MAGI2: variants seen among roughly 807,000 people sequenced by gnomAD.
MAGI2 encodes membrane-associated guanylate kinase, WW and PDZ domain-containing protein 2.
Under a neutral mutation model 133.3 loss-of-function variants are expected in MAGI2, and 35 were observed. The observed-to-expected ratio is 0.26, with a 90% CI of 0.20 to 0.35. The LOEUF is 0.35. Among genes scored for constraint, MAGI2 ranks in the 10% least tolerant of loss-of-function variants. MAGI2 has a pLI of 1.00. For synonymous variants in MAGI2, 729 were observed against 710.6 expected (o/e 1.03, Z -0.41); for missense variants, 1,636 against 1,863.4 (o/e 0.88, Z 2.25).
At chr7:78,147,573 T>C (rs1457602301) in intron 16 of MAGI2, among the ~76,000 whole-genome samples, 1 of 152,094 alleles carries the variant, frequency 6.6e-6, no homozygotes, top group African/African-American at 2.4e-5. Context: ...TAAAAAAGGA[T>C]TGAAGAGATT....
intron 1 of MAGI2, among the ~76,000 whole-genome samples, chr7:79,273,219 C>T (rs1488843416): frequency 7.4e-6 from 1 of 135,080 alleles, no homozygotes; most frequent in Non-Finnish European, 1.7e-5. Flanking sequence ...TCTTAAATCA[C>T]CCTTAAGATG....
At chr7:78,651,311 C>T (rs1441035198) in intron 2 of MAGI2, among the ~76,000 whole-genome samples, 5 of 98,236 alleles carry the variant, frequency 5.1e-5, no homozygotes, top group South Asian at 3.4e-4. Context: ...AAACTTTCTG[C>T]CTTTGTGCTT....
chr7:78,977,316 G>C (rs889521478), intron 2 of MAGI2, among the ~76,000 whole-genome samples: 6 of 151,202 alleles, frequency 4.0e-5, no homozygotes, highest in Non-Finnish European at 8.9e-5. Context: ...AAGGCAAAAA[G>C]GCAATTCAAT....
At position 79,388,750 on chromosome 7, in the gene MAGI2, G is replaced by A. The variant is rs374522103; in HGVS notation, c.301+64270C>T. 4.0e-5 allele frequency among the ~76,000 whole-genome samples: 6 copies of A among 151,002 alleles called. No individual in the cohort carries two copies. The East Asian group carries it at 1.2e-3, about 29-fold the overall frequency. On this transcript the variant is annotated intron_variant, in intron 1 of 21. Coordinates refer to ENST00000354212, the MANE Select transcript of MAGI2 (RefSeq NM_012301.4). ...GGTGAAAAAGAAAAATAATAATCAG[G>A]CTAAATCAGAGACTTAACCAAAAAG...
In MAGI2 at chr7:78,386,903, T is replaced by C. The variant is rs1049342864; in HGVS notation, c.1046-17690A>G. 3.9e-5 allele frequency among the ~76,000 whole-genome samples: 6 copies of C among 152,164 alleles called. No homozygotes were observed. In the South Asian group the frequency reaches 8.3e-4, roughly 21 times the overall value. ...TTAGAGGCAAAAAGCACTAAAAATA[T>C]TGATTTGTACCTAGAACACCACCAA... On this transcript the variant is annotated intron_variant, in intron 6 of 21. Transcript: ENST00000354212.
intron 3 of MAGI2, among the ~76,000 whole-genome samples, chr7:78,567,719 T>C (rs1370630942): frequency 6.6e-6 from 1 of 152,158 alleles, no homozygotes; most frequent in Non-Finnish European, 1.5e-5. Flanking sequence ...ATCATTTCAA[T>C]CACATATACA....
chr7:78,293,325 C>T (rs923820427), intron 9 of MAGI2, among the ~76,000 whole-genome samples: 4 of 152,092 alleles, frequency 2.6e-5, no homozygotes, highest in Non-Finnish European at 4.4e-5. Context: ...CCAACAGACA[C>T]GTGAAAAAAT....
intron 2 of MAGI2, among the ~76,000 whole-genome samples, chr7:78,825,948 C>T (rs1790587827): frequency 6.6e-6 from 1 of 151,990 alleles, no homozygotes; most frequent in African/African-American, 2.4e-5. Context: ...AATCAAGATG[C>T]CTCTCAATAG....
intron 2 of MAGI2, among the ~76,000 whole-genome samples, chr7:78,800,325 T>C (rs1291261089): frequency 1.3e-5 from 2 of 152,234 alleles, no homozygotes; most frequent in East Asian, 1.9e-4. Flanking sequence ...GTGGGGAGGA[T>C]GAATTGTGAT....
At chr7:79,235,052 C>A (rs975900606) in intron 1 of MAGI2, among the ~76,000 whole-genome samples, 84 of 151,678 alleles carry the variant, frequency 5.5e-4, no homozygotes, top group Middle Eastern at 3.4e-3. Flanking sequence ...AATACCCTGC[C>A]GTGTGAGGTG....
Position 78,564,783 on chromosome 7 carries a change from C to CTTTTT in MAGI2, c.539-43143_539-43139dup, listed in dbSNP as rs35069216. Among the ~76,000 whole-genome samples the CTTTTT allele has an allele frequency of 8.2e-3, 527 of 64,366 alleles. 94 individuals are homozygous for CTTTTT. Among genetic ancestry groups the CTTTTT allele is most frequent in the African/African-American group, 0.022 (367 of 16,374 alleles). The allele number at this position is 64,366 out of a possible 152,430, so 42.2% of individuals were successfully genotyped here. A position where few individuals can be genotyped will look rare whatever the true frequency, so the allele number is the denominator to read the frequency against. On this transcript the variant is annotated intron_variant, in intron 3 of 21. Coordinates refer to ENST00000354212, the MANE Select transcript of MAGI2 (RefSeq NM_012301.4). ...TACTTCATCTCATCTCTTTGACATT[C>CTTTTT]TTTTTTTTTTTTTTTTTTTTTTTTT...
At chr7:78,377,800 G>C (rs1338769620) in intron 6 of MAGI2, among the ~76,000 whole-genome samples, 2 of 147,370 alleles carry the variant, frequency 1.4e-5, no homozygotes, top group African/African-American at 5.0e-5. Context: ...GTTATCGCTG[G>C]TCTAGGAACA....
At chr7:78,636,906 T>G (rs1809721997) in intron 2 of MAGI2, among the ~76,000 whole-genome samples, 1 of 152,158 alleles carries the variant, frequency 6.6e-6, no homozygotes, top group South Asian at 2.1e-4. Context: ...TGGTTCTCAC[T>G]CCCCAGAGTC....
intron 1 of MAGI2, among the ~76,000 whole-genome samples, chr7:79,311,945 T>C (rs1436997074): frequency 1.3e-5 from 2 of 152,178 alleles, no homozygotes; most frequent in Non-Finnish European, 2.9e-5. Flanking sequence ...TTAAAATTTG[T>C]ATATCCAGAA....
chr7:79,004,886 C>T (rs1807280790), intron 2 of MAGI2, among the ~76,000 whole-genome samples: 1 of 151,946 alleles, frequency 6.6e-6, no homozygotes, highest in Admixed American at 6.6e-5. Flanking sequence ...AGCTTGAGAC[C>T]AGCCTGACCA....
At chr7:79,010,692 C>A (rs146269709) in intron 1 of MAGI2, among the ~76,000 whole-genome samples, 1 of 151,986 alleles carries the variant, frequency 6.6e-6, no homozygotes. Flanking sequence ...CATGCTTTAG[C>A]CATTTGTACT....
At chr7:78,294,320 G>A (rs1797015798) in intron 9 of MAGI2, among the ~76,000 whole-genome samples, 1 of 152,100 alleles carries the variant, frequency 6.6e-6, no homozygotes, top group South Asian at 2.1e-4. Context: ...AAAATAGGGA[G>A]TATTAAAATA....
chr7:78,094,286 G>A (rs1012673184), intron 20 of MAGI2, among the ~76,000 whole-genome samples: 7 of 152,126 alleles, frequency 4.6e-5, no homozygotes, highest in Admixed American at 6.6e-5. Context: ...CTAGTTTTCT[G>A]TTCTTGGTTC....
chr7:78,592,454 A>C (rs1387460731), intron 3 of MAGI2, among the ~76,000 whole-genome samples: 2 of 152,046 alleles, frequency 1.3e-5, no homozygotes, highest in African/African-American at 2.4e-5. Context: ...GCAGCCATAG[A>C]TGTGATTAGA....
Sources: allele counts gnomAD v4.1 joint callset (sites outside exome capture counted in the v4.1 genomes callset), GRCh38; gene constraint gnomAD v4.1.1; transcripts MANE v1.5; gene names NCBI Gene and HGNC (gene_info 2026-07-23, HGNC 2026-07-21).